CACNG2: variants seen among roughly 807,000 people sequenced by gnomAD.
The protein encoded by CACNG2 is voltage-dependent calcium channel gamma-2 subunit.
In CACNG2, 3 loss-of-function variants were observed where a neutral mutation model predicts 25.9. That is an observed-to-expected ratio of 0.12 (90% CI 0.05 to 0.30). The LOEUF (loss-of-function observed/expected upper bound fraction) is 0.30. CACNG2 is among the 10% of genes least tolerant of loss of function. CACNG2 has a pLI of 1.00. For synonymous variants in CACNG2, 167 were observed against 173.3 expected (o/e 0.96, Z 0.29); for missense variants, 341 against 432.5 (o/e 0.79, Z 1.88).
At chr22:36,638,774 G>A (rs1019463995) in intron 1 of CACNG2, among the ~76,000 whole-genome samples, 10 of 152,066 alleles carry the variant, frequency 6.6e-5, no homozygotes, top group African/African-American at 1.9e-4. Context: ...TGCTTCCCAC[G>A]ATATCCCCAG....
At chr22:36,634,586 A>G (rs1017913831) in intron 1 of CACNG2, among the ~76,000 whole-genome samples, 53 of 152,190 alleles carry the variant, frequency 3.5e-4, no homozygotes, top group African/African-American at 1.2e-3. Context: ...AAATTTTTTT[A>G]GGAGGGTTGA....
chr22:36,581,430 G>C (rs1935417172), intron 2 of CACNG2, among the ~76,000 whole-genome samples: 1 of 152,206 alleles, frequency 6.6e-6, no homozygotes, highest in Non-Finnish European at 1.5e-5. Context: ...CAAGAGGCTG[G>C]ACAACATCTT....
intron 1 of CACNG2, among the ~76,000 whole-genome samples, chr22:36,612,193 C>A (rs543747472): frequency 6.6e-6 from 1 of 152,154 alleles, no homozygotes; most frequent in African/African-American, 2.4e-5. Flanking sequence ...CTAGCCATGA[C>A]CTCGGGTAAG....
chr22:36,594,717 A>ATG (rs964052562), intron 1 of CACNG2, among the ~76,000 whole-genome samples: 1 of 145,956 alleles, frequency 6.9e-6, no homozygotes, highest in African/African-American at 2.5e-5. Context: ...GTGTGTGTGC[A>ATG]TGTGTGTGTG....
In CACNG2 at chr22:36,569,329, GATTC is replaced by G. The variant is rs1276846109; in HGVS notation, c.296-2840_296-2837del. On this transcript the variant is annotated intron_variant, in intron 2 of 3. Coordinates refer to ENST00000300105, the MANE Select transcript of CACNG2 (RefSeq NM_006078.5). ...CCCTGCCACCCAGCTAGTGAACCAG[GATTC>G]ATATCCAGACCAGCTCAACTTTTGG... Among the ~76,000 whole-genome samples, 3 of 152,130 alleles carry G rather than the reference GATTC, an allele frequency of 2.0e-5. No homozygotes were observed. The East Asian group carries it at 5.8e-4, about 29-fold the overall frequency.
chr22:36,634,093 G>A (rs943512837), intron 1 of CACNG2, among the ~76,000 whole-genome samples: 2 of 152,350 alleles, frequency 1.3e-5, no homozygotes, highest in Admixed American at 6.5e-5. Context: ...TATAGGCTGA[G>A]TGACGTCAGG....
At chr22:36,643,995 C>A (rs972667262) in intron 1 of CACNG2, among the ~76,000 whole-genome samples, 10 of 152,166 alleles carry the variant, frequency 6.6e-5, no homozygotes, top group African/African-American at 2.4e-4. Context: ...TAACCATGAA[C>A]TTCACTGCCT....
chr22:36,568,027 T>C (rs982560253), intron 2 of CACNG2, among the ~76,000 whole-genome samples: 3 of 151,962 alleles, frequency 2.0e-5, no homozygotes, highest in Non-Finnish European at 1.5e-5. Context: ...TTTTTGTACT[T>C]TTAGTAGAGA....
Position 36,563,450 on chromosome 22 carries a change from T to C in CACNG2, c.*901A>G, listed in dbSNP as rs919915321. ...GAGGCTCACCCTGAGGATTCCGGGG[T>C]TTCCGGCATCTTGGTAAGCCACCGG... On this transcript the variant is annotated 3_prime_UTR_variant, in exon 4 of 4. Transcript: ENST00000300105. 1.3e-5 allele frequency among the ~76,000 whole-genome samples: 2 copies of C among 151,790 alleles called. No homozygotes were observed. Among genetic ancestry groups the C allele is most frequent in the African/African-American group, 2.4e-5 (1 of 41,342 alleles).
intron 1 of CACNG2, among the ~76,000 whole-genome samples, chr22:36,643,607 G>A (rs1011383519): frequency 6.6e-6 from 1 of 152,074 alleles, no homozygotes; most frequent in African/African-American, 2.4e-5. Flanking sequence ...AGAAGGGAAG[G>A]TCAGGACTGG....
Position 36,675,536 on chromosome 22 carries a change from T to C in CACNG2, c.211+26830A>G, listed in dbSNP as rs1019845138. On this transcript the variant is annotated intron_variant, in intron 1 of 3. Coordinates refer to ENST00000300105, the MANE Select transcript of CACNG2 (RefSeq NM_006078.5). ...CAAAGAACTGGGAGCACTTCCAAGATGGCAAGTCTCATATGGGTAACGATC... is the reference window on the plus strand; with the variant it reads ...CAAAGAACTGGGAGCACTTCCAAGACGGCAAGTCTCATATGGGTAACGATC... Among the ~76,000 whole-genome samples, 33 of 152,220 alleles carry C rather than the reference T, an allele frequency of 2.2e-4. 1 individual carries two copies. Among genetic ancestry groups the C allele is most frequent in the African/African-American group, 8.0e-4 (33 of 41,462 alleles).
chr22:36,674,594 A>G (rs1045675574), intron 1 of CACNG2, among the ~76,000 whole-genome samples: 4 of 152,118 alleles, frequency 2.6e-5, no homozygotes, highest in Non-Finnish European at 5.9e-5. Context: ...CTTCCAAAGT[A>G]TTGGGATTAC....
intron 2 of CACNG2, among the ~76,000 whole-genome samples, chr22:36,570,054 C>T (rs1461672774): frequency 6.6e-6 from 1 of 152,214 alleles, no homozygotes; most frequent in East Asian, 1.9e-4. Flanking sequence ...GCCTGCAGGT[C>T]GCCGACCCAA....
intron 1 of CACNG2, among the ~76,000 whole-genome samples, chr22:36,603,165 T>C (rs1935779059): frequency 6.6e-6 from 1 of 152,226 alleles, no homozygotes; most frequent in Non-Finnish European, 1.5e-5. Flanking sequence ...TTTGCTGATA[T>C]GGAGAAACTT....
intron 1 of CACNG2, among the ~76,000 whole-genome samples, chr22:36,659,969 C>T (rs114826859): frequency 0.029 from 4,370 of 152,272 alleles, 206 homozygotes; most frequent in African/African-American, 0.099. Context: ...AGCCCAGTGG[C>T]TGGTGGCTTC....
intron 1 of CACNG2, among the ~76,000 whole-genome samples, chr22:36,625,303 G>C (rs1398610450): frequency 6.6e-6 from 1 of 152,136 alleles, no homozygotes; most frequent in Admixed American, 6.5e-5. Flanking sequence ...TCCACTCTCT[G>C]GGCCTCATTT....
rs1039377296 is a variant in CACNG2, at chr22:36,563,454, C to T, written c.*897G>A. The stretch of plus-strand genomic sequence containing the variant: ...CTCACCCTGAGGATTCCGGGGTTTC[C>T]GGCATCTTGGTAAGCCACCGGCAGC... On this transcript the variant is annotated 3_prime_UTR_variant, in exon 4 of 4. Coordinates refer to ENST00000300105, the MANE Select transcript of CACNG2 (RefSeq NM_006078.5). 2.6e-5 allele frequency among the ~76,000 whole-genome samples: 4 copies of T among 152,090 alleles called. No individual in the cohort carries two copies. Among genetic ancestry groups the T allele is most frequent in the Admixed American group, 6.5e-5 (1 of 15,286 alleles).
intron 1 of CACNG2, among the ~76,000 whole-genome samples, chr22:36,697,631 G>A (rs567677205): frequency 3.1e-4 from 47 of 152,338 alleles, no homozygotes; most frequent in African/African-American, 1.1e-3. Flanking sequence ...CCAGGTAGAG[G>A]AGCCGGGTTT....
intron 1 of CACNG2, among the ~76,000 whole-genome samples, chr22:36,640,767 G>A (rs1305480897): frequency 3.3e-5 from 5 of 152,172 alleles, no homozygotes; most frequent in Admixed American, 6.5e-5. Context: ...GAAAACCCAA[G>A]TCAATGAAGG....
Sources: allele counts gnomAD v4.1 joint callset (sites outside exome capture counted in the v4.1 genomes callset), GRCh38; gene constraint gnomAD v4.1.1; transcripts MANE v1.5; gene names NCBI Gene and HGNC (gene_info 2026-07-23, HGNC 2026-07-21).